Variants in PHF21A observed in about 807,000 individuals in gnomAD.
PHF21A encodes the protein BHC80a.
PHF21A carries 11 observed loss-of-function variants against 82.5 expected under a neutral mutation model. That is an observed-to-expected ratio of 0.13 (90% CI 0.08 to 0.22). The LOEUF (loss-of-function observed/expected upper bound fraction) is 0.22, where lower values mean the gene tolerates loss of function less well. Among genes scored for constraint, PHF21A ranks in the 10% least tolerant of loss-of-function variants. The pLI is 1.00. For missense variants in PHF21A, 579 were observed against 837.8 expected (o/e 0.69, Z 3.81); for synonymous variants, 297 against 302.8 (o/e 0.98, Z 0.20).
chr11:45,943,097 TATC>T (rs766174517), intron 15 of PHF21A, among the ~76,000 whole-genome samples: 4 of 151,088 alleles, frequency 2.6e-5, no homozygotes, highest in Admixed American at 2.0e-4. Context: ...TCTTCCAAGC[TATC>T]ATCATCATCA....
At chr11:46,009,580 A>C (rs1386499477) in intron 6 of PHF21A, among the ~76,000 whole-genome samples, 1 of 152,186 alleles carries the variant, frequency 6.6e-6, no homozygotes, top group Non-Finnish European at 1.5e-5. Context: ...TTTAATCTTC[A>C]AAGCAATCCT....
intron 11 of PHF21A, among the ~76,000 whole-genome samples, chr11:45,952,628 T>A (rs2092267665): frequency 6.6e-6 from 1 of 152,224 alleles, no homozygotes; most frequent in Non-Finnish European, 1.5e-5. Context: ...AAATTAAAAA[T>A]TCATTCATTT....
chr11:45,978,936 T>C (rs1006162919), intron 7 of PHF21A, among the ~76,000 whole-genome samples: 1 of 152,188 alleles, frequency 6.6e-6, no homozygotes, highest in Non-Finnish European at 1.5e-5. Context: ...CAGATTCCCA[T>C]CAGTGTATTA....
chr11:46,087,850 G>C (rs1012621278), intron 3 of PHF21A, among the ~76,000 whole-genome samples: 2 of 152,076 alleles, frequency 1.3e-5, no homozygotes, highest in Non-Finnish European at 2.9e-5. Context: ...CAACTTGCTG[G>C]GCTCAAGTGA....
rs1853197393 is a variant in PHF21A, at chr11:46,121,211, T to TC, written c.-514_-513insG. On this transcript the variant is annotated 5_prime_UTR_variant, in exon 1 of 19. Transcript: ENST00000676320. ...CTCTCTCTCTCTCTCTCTGGGCTGT[T>TC]TCTTTCCTCCTCTTCCCCAGGCAAG... is the stretch of plus-strand genomic sequence containing the variant. The TC allele has an allele frequency of 1.6e-5, 2 of 125,036 alleles. No individual in the cohort carries two copies. The highest frequency in any genetic ancestry group is 5.7e-5 in the African/African-American group (2 of 34,952). 7.7% of individuals were successfully genotyped at this position (125,036 alleles called of 1,614,324 possible).
In PHF21A at chr11:45,930,887, T is replaced by C. The variant is rs1395691837; in HGVS notation, c.*3081A>G. 1 of 146,558 alleles carries C rather than the reference T, an allele frequency of 6.8e-6. No individual in the cohort carries two copies. The highest frequency in any genetic ancestry group is 1.5e-5 in the Non-Finnish European group (1 of 67,430). 9.1% of individuals were successfully genotyped at this position (146,558 alleles called of 1,614,324 possible). A position where few individuals can be genotyped will look rare whatever the true frequency, so the allele number is the denominator to read the frequency against. ...GGGGTGGGGCAGTGTCACGAGCGTA[T>C]GTCTCAGGTGGTCACAGGCCCCCCC... On this transcript the variant is annotated 3_prime_UTR_variant, in exon 19 of 19. Transcript: ENST00000676320.
intron 6 of PHF21A, among the ~76,000 whole-genome samples, chr11:46,028,829 C>T (rs1452200779): frequency 6.6e-6 from 1 of 152,180 alleles, no homozygotes; most frequent in Non-Finnish European, 1.5e-5. Context: ...GCCTCGGCCT[C>T]CCAAAGTGCT....
At chr11:46,004,861 A>C (rs1220035980) in intron 6 of PHF21A, among the ~76,000 whole-genome samples, 1 of 152,166 alleles carries the variant, frequency 6.6e-6, no homozygotes, top group Non-Finnish European at 1.5e-5. Flanking sequence ...ACATACTTAC[A>C]TGTGTTCGAA....
intron 10 of PHF21A, among the ~76,000 whole-genome samples, chr11:45,960,262 A>C (rs1419303669): frequency 6.6e-6 from 1 of 152,252 alleles, no homozygotes; most frequent in Non-Finnish European, 1.5e-5. Flanking sequence ...CAATAGCCAA[A>C]AAGTGGAACC....
At position 45,979,944 on chromosome 11, in the gene PHF21A, C is replaced by T. The variant is rs747976600; in HGVS notation, c.176G>A (p.Arg59Gln). ...EKQKRVVEQL[R>Q]KNLIVKQEQP... is the part of the protein sequence containing the mutation. ...TTCTTGCTTTACTATCAGGTTCTTCCGTAGCTGTTCAACTACTCTTTTCTA... is the reference window on the plus strand; with the variant it reads ...TTCTTGCTTTACTATCAGGTTCTTCTGTAGCTGTTCAACTACTCTTTTCTA... Residue 59 changes from arginine (R) to glutamine (Q), a missense_variant, in exon 7 of 19, where the codon CGG becomes CAG. Transcript: ENST00000676320. 2.5e-6 allele frequency: 4 copies of T among 1,614,000 alleles called. No individual in the cohort carries two copies. Among genetic ancestry groups the T allele is most frequent in the South Asian group, 1.1e-5 (1 of 91,072 alleles).
rs898692695 is a variant in PHF21A at position 45,932,691 on chromosome 11, C to G, written c.*1277G>C. 1 of 152,548 alleles carries G rather than the reference C, an allele frequency of 6.6e-6. No homozygotes were observed. Among genetic ancestry groups the G allele is most frequent in the Admixed American group, 6.5e-5 (1 of 15,270 alleles). The allele number at this position is 152,548 out of a possible 1,614,324, so 9.4% of individuals were successfully genotyped here. ...AGTAACACTAGGAAGACCTCAATATCTTTTATTTTCCTTTTTAATTTAAAA... is the reference window on the plus strand; with the variant it reads ...AGTAACACTAGGAAGACCTCAATATGTTTTATTTTCCTTTTTAATTTAAAA... On this transcript the variant is annotated 3_prime_UTR_variant, in exon 19 of 19. Transcript: ENST00000676320. This position sits in a 1 kb window ranked among gnomAD's most constrained non-coding sequence, Gnocchi z 4.3.
At chr11:46,095,720 T>C (rs989881745) in intron 1 of PHF21A, among the ~76,000 whole-genome samples, 4 of 152,102 alleles carry the variant, frequency 2.6e-5, no homozygotes, top group Admixed American at 1.3e-4. Flanking sequence ...CTGAAACCCT[T>C]GCGATATGAA....
intron 1 of PHF21A, among the ~76,000 whole-genome samples, chr11:46,098,441 C>T (rs1167354597): frequency 6.6e-6 from 1 of 152,146 alleles, no homozygotes; most frequent in East Asian, 1.9e-4. Context: ...TCTAAGTCTT[C>T]TTACAATATA....
At chr11:46,068,794 C>T (rs534406017) in intron 6 of PHF21A, among the ~76,000 whole-genome samples, 10 of 152,100 alleles carry the variant, frequency 6.6e-5, no homozygotes, top group Non-Finnish European at 1.0e-4. Flanking sequence ...TTGCCAGCAC[C>T]AAAAATACGT....
intron 6 of PHF21A, among the ~76,000 whole-genome samples, chr11:46,021,491 G>A (rs374768210): frequency 1.3e-5 from 2 of 152,148 alleles, no homozygotes; most frequent in South Asian, 2.1e-4. Context: ...GGGTGCCACA[G>A]AAAGCAATCA....
chr11:45,955,087 C>G (rs12789745), intron 10 of PHF21A, among the ~76,000 whole-genome samples: 2 of 152,238 alleles, frequency 1.3e-5, no homozygotes, highest in Non-Finnish European at 2.9e-5. Flanking sequence ...TTTTCCCCCA[C>G]TGGTGTTCTC....
chr11:46,051,650 C>T (rs1254901743), intron 6 of PHF21A, among the ~76,000 whole-genome samples: 2 of 152,190 alleles, frequency 1.3e-5, no homozygotes, highest in Admixed American at 1.3e-4. Context: ...TGTGCAATTC[C>T]ATTCTGTAGT....
chr11:46,003,558 T>C (rs1280885661), intron 6 of PHF21A, among the ~76,000 whole-genome samples: 1 of 152,118 alleles, frequency 6.6e-6, no homozygotes, highest in African/African-American at 2.4e-5. Context: ...CCCATAATGA[T>C]GATGACATTT....
chr11:46,098,298 C>CT (rs1311840154), intron 1 of PHF21A, among the ~76,000 whole-genome samples: 5 of 152,130 alleles, frequency 3.3e-5, no homozygotes, highest in African/African-American at 1.2e-4. Context: ...GTTGTAGTGT[C>CT]TAAGTTCTAA....
Sources: gnomAD v4.1 joint callset for allele counts (sites outside exome capture counted in the v4.1 genomes callset) on GRCh38, gnomAD v4.1.1 for gene constraint, Gnocchi (gnomAD v3.1) non-coding constraint, MANE v1.5 for transcripts, NCBI Gene and HGNC (gene_info 2026-07-23, HGNC 2026-07-21) for gene names.